The following PRRC2B variants were observed in gnomAD, a reference collection of about 807,000 sequenced individuals.
The protein encoded by PRRC2B is protein PRRC2B.
A neutral mutation model predicts 242.3 loss-of-function variants in PRRC2B; 68 were observed. That is an observed-to-expected ratio of 0.28 (90% CI 0.23 to 0.34). PRRC2B has a LOEUF of 0.34. PRRC2B is among the 10% of genes least tolerant of loss of function. The pLI is 1.00. For missense variants in PRRC2B, 2,835 were observed against 2,954.8 expected (o/e 0.96, Z 0.94); for synonymous variants, 1,228 against 1,173.6 (o/e 1.05, Z -0.95).
At chr9:131,448,719 T>C (rs1390316511) in intron 9 of PRRC2B, among the ~76,000 whole-genome samples, 2 of 151,698 alleles carry the variant, frequency 1.3e-5, no homozygotes, top group Non-Finnish European at 2.9e-5. Context: ...CAAACCCAGC[T>C]TGTTCTGCCA....
intron 1 of PRRC2B, among the ~76,000 whole-genome samples, chr9:131,423,245 G>A (rs1202172196): frequency 1.3e-5 from 2 of 152,202 alleles, no homozygotes; most frequent in Non-Finnish European, 2.9e-5. Context: ...CAGACCTAGG[G>A]GTGAGTCAGA....
upstream of PRRC2B, among the ~76,000 whole-genome samples, chr9:131,393,616 C>A (rs561651501): frequency 6.6e-5 from 10 of 152,356 alleles, no homozygotes; most frequent in Non-Finnish European, 1.3e-4. Flanking sequence ...AAAATCCGGG[C>A]TTAGTCTGTT....
rs1944365765 is a variant in PRRC2B, at chr9:131,497,525, A to G, written c.*1651A>G. 1 of 152,218 alleles carries G rather than the reference A, an allele frequency of 6.6e-6. No individual in the cohort carries two copies. Among genetic ancestry groups the G allele is most frequent in the Non-Finnish European group, 1.5e-5 (1 of 68,070 alleles). 9.4% of individuals were successfully genotyped at this position (152,218 alleles called of 1,614,324 possible). ...GCCTTCAGCGTCTCACGGGTGCAGG[A>G]CAGCGCTCAGGCTTGGGCTCTAAGC... On this transcript the variant is annotated 3_prime_UTR_variant, in exon 32 of 32. Transcript: ENST00000683519.
intron 12 of PRRC2B, among the ~76,000 whole-genome samples, chr9:131,466,044 G>A (rs1943387549): frequency 6.6e-6 from 1 of 152,242 alleles, no homozygotes; most frequent in Non-Finnish European, 1.5e-5. Context: ...CTATTTAAGA[G>A]TAATGAAGCA....
intron 1 of PRRC2B, among the ~76,000 whole-genome samples, chr9:131,414,125 C>T (rs1354185515): frequency 6.6e-6 from 1 of 152,064 alleles, no homozygotes; most frequent in Non-Finnish European, 1.5e-5. Flanking sequence ...ACAAACTGCA[C>T]ATCAGTAGTC....
At chr9:131,448,831 A>G (rs1282791117) in intron 9 of PRRC2B, among the ~76,000 whole-genome samples, 2 of 152,110 alleles carry the variant, frequency 1.3e-5, no homozygotes, top group Non-Finnish European at 2.9e-5. Context: ...AGTGAAAGGT[A>G]CCCATATCAC....
In PRRC2B at chr9:131,401,714, G is replaced by A. The variant is rs998692760; in HGVS notation, c.-52+7451G>A. ...GTTTTGATGTTGCCCAGGCTGGAGT[G>A]CAATGGCGCGATCTCGGCTCACTGC... is the stretch of plus-strand genomic sequence containing the variant. On this transcript the variant is annotated intron_variant, in intron 1 of 31. Coordinates refer to ENST00000683519, the MANE Select transcript of PRRC2B (RefSeq NM_013318.4). Among the ~76,000 whole-genome samples the A allele has an allele frequency of 1.2e-3, 190 of 152,186 alleles. 1 individual carries two copies. Among genetic ancestry groups the A allele is most frequent in the African/African-American group, 4.0e-3 (165 of 41,494 alleles).
chr9:131,444,050 A>G, intron 5 of PRRC2B, 135 bp from the exon 6 acceptor site: 4 of 981,168 alleles, frequency 4.1e-6, no homozygotes, highest in Non-Finnish European at 6.1e-6. Flanking sequence ...ATCTGCCAGC[A>G]CAGAGCACCC....
rs749808036 is a variant in PRRC2B, at chr9:131,475,914, A to G, written c.3785A>G (p.His1262Arg). 6.2e-7 allele frequency: 1 copy of G among 1,613,698 alleles called. No homozygotes were observed. Among genetic ancestry groups the G allele is most frequent in the Admixed American group, 1.7e-5 (1 of 60,006 alleles). ...GACTATGTCCCAGATTCCTACAGAC[A>G]CCCTGACGCATTTGGTGGCCGGGGC... ...DRDYVPDSYR[H>R]PDAFGGRGFE... The change falls in exon 16 of 32, where the codon CAC (histidine) becomes CGC (arginine). Residue 1262 changes from histidine (H) to arginine (R), a missense_variant. Physicochemically the swap from His to Arg is conservative, Grantham distance 29. Coordinates refer to ENST00000683519, the MANE Select transcript of PRRC2B (RefSeq NM_013318.4).
chr9:131,469,684 T>C (rs1943487298), intron 13 of PRRC2B, among the ~76,000 whole-genome samples: 1 of 152,156 alleles, frequency 6.6e-6, no homozygotes. Flanking sequence ...GACGCAGCAG[T>C]GAGTCCTGCC....
rs1224829088 is a variant in PRRC2B at position 131,475,188 on chromosome 9, T to G, written c.3059T>G (p.Phe1020Cys). 6.2e-7 allele frequency: 1 copy of G among 1,613,610 alleles called. No individual in the cohort carries two copies. The highest frequency in any genetic ancestry group is 1.7e-5 in the Admixed American group (1 of 59,972). Residue 1020 changes from phenylalanine to cysteine, a missense_variant, in exon 16 of 32, where the codon TTT becomes TGT. Transcript: ENST00000683519. ...HATFGREATKFEEEEKPDKAW... is the reference protein window; with the variant it reads ...HATFGREATKCEEEEKPDKAW... ...ACTTTTGGCCGCGAGGCCACCAAAT[T>G]TGAAGAGGAGGAGAAACCTGACAAG...
intron 1 of PRRC2B, among the ~76,000 whole-genome samples, chr9:131,386,273 CG>C (rs1309597708): frequency 2.0e-5 from 3 of 150,206 alleles, no homozygotes; most frequent in Non-Finnish European, 3.0e-5. Context: ...CCAACATTCT[CG>C]GCTAATTTTT....
intron 1 of PRRC2B, among the ~76,000 whole-genome samples, chr9:131,399,734 C>T (rs1479612459): frequency 6.6e-6 from 1 of 152,148 alleles, no homozygotes; most frequent in Non-Finnish European, 1.5e-5. Context: ...AGTATATATA[C>T]ATTGAATACA....
chr9:131,442,127 TTTG>T (rs1407340837), intron 5 of PRRC2B, among the ~76,000 whole-genome samples: 1 of 150,438 alleles, frequency 6.6e-6, no homozygotes, highest in Admixed American at 6.7e-5. Context: ...TACCTTTTTT[TTTG>T]TTTGTTTGTT....
In PRRC2B at chr9:131,495,862, G is replaced by C; in HGVS notation, c.6678G>C (p.Glu2226Asp). 4 of 1,606,314 alleles carry C rather than the reference G, an allele frequency of 2.5e-6. No homozygotes were observed. Among genetic ancestry groups the C allele is most frequent in the Non-Finnish European group, 3.4e-6 (4 of 1,173,812 alleles). The part of the protein sequence containing the change: ...AIKPRAVKVE[E>D]SKA ...AGCCTCGGGCTGTCAAAGTGGAGGAGAGTAAGGCCTGACAGTGCCTGGCTG... is the reference window on the plus strand; with the variant it reads ...AGCCTCGGGCTGTCAAAGTGGAGGACAGTAAGGCCTGACAGTGCCTGGCTG... The change falls in exon 32 of 32, where the codon GAG becomes GAC. Residue 2226 changes from glutamate to aspartate, a missense_variant. Coordinates refer to ENST00000683519, the MANE Select transcript of PRRC2B (RefSeq NM_013318.4).
At chr9:131,478,402 C>T in intron 17 of PRRC2B, 72 bp from the exon 18 acceptor site, 1 of 1,431,828 alleles carries the variant, frequency 7.0e-7, no homozygotes, top group Non-Finnish European at 9.8e-7. Context: ...ATCTCAGGCG[C>T]CTGTTGAATT....
At chr9:131,428,882 G>A (rs1468880839) in intron 1 of PRRC2B, among the ~76,000 whole-genome samples, 2 of 152,242 alleles carry the variant, frequency 1.3e-5, no homozygotes, top group Admixed American at 1.3e-4. Flanking sequence ...GGTTGGGTAT[G>A]GAATAAAAAG....
chr9:131,396,195 G>GT (rs2131276013), intron 1 of PRRC2B, among the ~76,000 whole-genome samples: 1 of 152,194 alleles, frequency 6.6e-6, no homozygotes, highest in East Asian at 1.9e-4. Flanking sequence ...GTGATGAAAT[G>GT]TATGTGTTTG....
intron 1 of PRRC2B, among the ~76,000 whole-genome samples, chr9:131,388,934 G>T (rs1185095505): frequency 1.4e-5 from 2 of 144,070 alleles, no homozygotes; most frequent in Non-Finnish European, 3.0e-5. Context: ...TCCCCCTCCC[G>T]GATTCAACCA....
Sources: allele counts gnomAD v4.1 joint callset (sites outside exome capture counted in the v4.1 genomes callset), GRCh38; gene constraint gnomAD v4.1.1; transcripts MANE v1.5; gene names NCBI Gene and HGNC (gene_info 2026-07-23, HGNC 2026-07-21).